Variants in DLG4 observed in about 807,000 individuals in gnomAD.
DLG4 encodes the protein disks large homolog 4.
In DLG4, 7 loss-of-function variants were observed where a neutral mutation model predicts 93.8. The ratio of observed to expected loss-of-function variants is 0.07; its 90% CI spans 0.04 to 0.14. The LOEUF is 0.14. Among genes scored for constraint, DLG4 ranks in the 10% least tolerant of loss-of-function variants. DLG4 has a pLI of 1.00. For synonymous variants in DLG4, 341 were observed against 387.6 expected, an observed-to-expected ratio of 0.88 and a Z score of 1.41; for missense variants, 545 against 992.9, an observed-to-expected ratio of 0.55 and a Z score of 6.06.
chr17:7,217,878 T>C (rs994939942), upstream of DLG4: 65 of 1,483,372 alleles, frequency 4.4e-5, no homozygotes, highest in Non-Finnish European at 5.6e-5. Flanking sequence ...CACCCACGGT[T>C]ATTTGAATAC....
At chr17:7,192,167 G>A (rs575946051) in intron 17 of DLG4, 165 bp from the exon 18 acceptor site, 19 of 465,982 alleles carry the variant, frequency 4.1e-5, no homozygotes, top group South Asian at 8.3e-5. Flanking sequence ...GGCAGGAAGC[G>A]GGTATGGACA....
chr17:7,187,315 G>C lies in DLG4; in HGVS notation c.*3393C>G, dbSNP rs71383475. On this transcript the variant is annotated 3_prime_UTR_variant, in exon 20 of 20. Transcript: ENST00000399506. ...AGCACTTTGGGAGGCCGAGGGGGGG[G>C]GGGGTGGATCACCCGAGGTCAGGAG... Among the ~76,000 whole-genome samples, 41 of 117,412 alleles carry C rather than the reference G, an allele frequency of 3.5e-4. 5 individuals are homozygous for C. The highest frequency in any genetic ancestry group is 1.0e-3 in the African/African-American group (37 of 37,148). 77.0% of individuals were successfully genotyped at this position (117,412 alleles called of 152,430 possible). A position where few individuals can be genotyped will look rare whatever the true frequency, so the allele number is the denominator to read the frequency against.
At position 7,190,464 on chromosome 17, in the gene DLG4, C is replaced by T. The variant is rs564867795; in HGVS notation, c.*244G>A. On this transcript the variant is annotated 3_prime_UTR_variant, in exon 20 of 20. Coordinates refer to ENST00000399506, the MANE Select transcript of DLG4 (RefSeq NM_001321075.3). ...GCGGGGATCCTAAGGAGCAAGGGCT[C>T]GGAACAAGGAGCCCAGCTCCCCCCC... 8.7e-4 allele frequency: 454 copies of T among 523,568 alleles called. 9 individuals are homozygous for T. In the South Asian group the frequency reaches 9.7e-3, roughly 11 times the overall value. The allele number at this position is 523,568 out of a possible 1,614,324, so 32.4% of individuals were successfully genotyped here.
At position 7,194,413 on chromosome 17, in the gene DLG4, C is replaced by T; in HGVS notation, c.1384G>A (p.Val462Ile). The T allele has an allele frequency of 6.2e-7, 1 of 1,612,840 alleles. No individual in the cohort carries two copies. Among genetic ancestry groups the T allele is most frequent in the Non-Finnish European group, 8.5e-7 (1 of 1,179,508 alleles). Residue 462 changes from valine to isoleucine, a missense_variant, in exon 12 of 20, where the codon GTC becomes ATC. Physicochemically the swap from Val to Ile is conservative, Grantham distance 29 (BLOSUM62 3). Around this residue, in one of 5 missense-constraint regions of DLG4, gnomAD observed 428 missense variants for 741.4 expected, o/e 0.58. Coordinates refer to ENST00000399506, the MANE Select transcript of DLG4 (RefSeq NM_001321075.3). The surrounding 1 kb of genome is among the most constrained non-coding windows in gnomAD (Gnocchi z 4.4). ...CACTCCTCATCACTAGCATCGATGA[C>T]ATGCAGCACATCCCCAAAGCGGAAG... Reference protein sequence around the residue: ...LSFRFGDVLHVIDASDEEWWQ... With the variant: ...LSFRFGDVLHIIDASDEEWWQ...
upstream of DLG4, among the ~76,000 whole-genome samples, chr17:7,218,005 A>G (rs910091226): frequency 1.3e-5 from 2 of 151,712 alleles, no homozygotes; most frequent in African/African-American, 4.8e-5. Context: ...CTAAAAAGTT[A>G]AGCCCTAGAC....
In DLG4 at chr17:7,188,149, G is replaced by A. The variant is rs2069344308; in HGVS notation, c.*2559C>T. ...ATCAAAATCACCCGGGAGCTTTCCA[G>A]AAATGCAGACCCCTGGTCCCTATCC... On this transcript the variant is annotated 3_prime_UTR_variant, in exon 20 of 20. Coordinates refer to ENST00000399506, the MANE Select transcript of DLG4 (RefSeq NM_001321075.3). Among the ~76,000 whole-genome samples, 1 of 151,538 alleles carries A rather than the reference G, an allele frequency of 6.6e-6. No individual in the cohort carries two copies. Among genetic ancestry groups the A allele is most frequent in the African/African-American group, 2.4e-5 (1 of 41,188 alleles).
chr17:7,193,811 T>C lies in DLG4; in HGVS notation c.1543+33A>G. On this transcript the variant is annotated intron_variant, in intron 14 of 19. Transcript: ENST00000399506. The surrounding 1 kb of genome is among the most constrained non-coding windows in gnomAD (Gnocchi z 6.7). ...TATCAAAAGCAACTCAGTGCTCCTCTCACCCACATCTTCCCGAACTAACCC... is the reference window on the plus strand; with the variant it reads ...TATCAAAAGCAACTCAGTGCTCCTCCCACCCACATCTTCCCGAACTAACCC... The C allele has an allele frequency of 1.2e-6, 2 of 1,612,624 alleles. No individual in the cohort carries two copies. The highest frequency in any genetic ancestry group is 2.7e-5 in the African/African-American group (2 of 74,936).
rs1462828997 is a variant in DLG4, at chr17:7,188,306, A to G, written c.*2402T>C. Among the ~76,000 whole-genome samples, 1 of 152,176 alleles carries G rather than the reference A, an allele frequency of 6.6e-6. No individual in the cohort carries two copies. The highest frequency in any genetic ancestry group is 6.5e-5 in the Admixed American group (1 of 15,268). On this transcript the variant is annotated 3_prime_UTR_variant, in exon 20 of 20. Transcript: ENST00000399506. ...TACTTTAGGCTTGGACGGCCATGCC[A>G]TCCACAGAATCACTACCCCTGGGTT...
chr17:7,210,813 A>G (rs987063375), intron 1 of DLG4, among the ~76,000 whole-genome samples: 1 of 152,128 alleles, frequency 6.6e-6, no homozygotes, highest in Non-Finnish European at 1.5e-5. Flanking sequence ...TGAGGAGGAA[A>G]TGTCAGCGTG....
upstream of DLG4, chr17:7,217,848 A>G: frequency 1.3e-6 from 2 of 1,530,070 alleles, no homozygotes; most frequent in Non-Finnish European, 1.8e-6. Flanking sequence ...AGAAGGAAGC[A>G]TCTATAGTTG....
chr17:7,197,982 A>G (rs73976744), intron 8 of DLG4, among the ~76,000 whole-genome samples: 7,393 of 152,206 alleles, frequency 0.049, 635 homozygotes, highest in African/African-American at 0.17. Context: ...GCATCACCAC[A>G]GGATGCAATA....
At position 7,191,456 on chromosome 17, in the gene DLG4, GC is replaced by G; in HGVS notation, c.1977-99del. 1 of 951,330 alleles carries G rather than the reference GC, an allele frequency of 1.1e-6. No individual in the cohort carries two copies. Among genetic ancestry groups the G allele is most frequent in the Admixed American group, 2.2e-5 (1 of 45,892 alleles). The allele number at this position is 951,330 out of a possible 1,614,324, so 58.9% of individuals were successfully genotyped here. A position where few individuals can be genotyped will look rare whatever the true frequency, so the allele number is the denominator to read the frequency against. Reference sequence around the variant, plus strand: ...AATGTTAAGTATTCTTCTATTTGGAGCACATAGCAAAAAAAAAAATACAATT... The same window carrying G: ...AATGTTAAGTATTCTTCTATTTGGAGACATAGCAAAAAAAAAAATACAATT... On this transcript the variant is annotated intron_variant, in intron 18 of 19. Transcript: ENST00000399506. This position sits in a 1 kb window ranked among gnomAD's most constrained non-coding sequence, Gnocchi z 6.6.
chr17:7,198,587 C>T (rs951365665), intron 8 of DLG4, among the ~76,000 whole-genome samples: 2 of 150,896 alleles, frequency 1.3e-5, no homozygotes, highest in African/African-American at 4.9e-5. Flanking sequence ...CAGTGGCTCA[C>T]GCCTGTAATC....
At chr17:7,192,879 C>T in intron 17 of DLG4, 66 bp downstream of exon 17, 6 of 1,488,886 alleles carry the variant, frequency 4.0e-6, no homozygotes, top group Non-Finnish European at 5.4e-6. Flanking sequence ...TTAGAGAAAG[C>T]TGGAGGGAGG....
At chr17:7,213,654 T>G in intron 1 of DLG4, 1 of 426,042 alleles carries the variant, frequency 2.3e-6, no homozygotes, top group South Asian at 1.7e-5. Context: ...CCCAAACAAC[T>G]TAACCTGAAA....
At chr17:7,211,695 G>C (rs746394092) in intron 1 of DLG4, 10 of 973,802 alleles carry the variant, frequency 1.0e-5, no homozygotes, top group African/African-American at 1.8e-5. Flanking sequence ...GTTCCGAGCC[G>C]ACATGGAGAA....
intron 8 of DLG4, among the ~76,000 whole-genome samples, chr17:7,199,989 AAAAAAAG>A: frequency 6.6e-6 from 1 of 151,900 alleles, no homozygotes; most frequent in Non-Finnish European, 1.5e-5. Context: ...CAAAAAAAAA[AAAAAAAG>A]AAAAGAAAAA....
At position 7,194,196 on chromosome 17, in the gene DLG4, G is replaced by T; in HGVS notation, c.1478+123C>A. ...CATGGGAGCCACGGACCCCAGGAGGGCCCAACAGACAAACCCCTAGGAGTT... is the reference window on the plus strand; with the variant it reads ...CATGGGAGCCACGGACCCCAGGAGGTCCCAACAGACAAACCCCTAGGAGTT... On this transcript the variant is annotated intron_variant, in intron 12 of 19. Coordinates refer to ENST00000399506, the MANE Select transcript of DLG4 (RefSeq NM_001321075.3). This position sits in a 1 kb window ranked among gnomAD's most constrained non-coding sequence, Gnocchi z 4.4. 1 of 1,385,652 alleles carries T rather than the reference G, an allele frequency of 7.2e-7. No homozygotes were observed. The highest frequency in any genetic ancestry group is 9.7e-7 in the Non-Finnish European group (1 of 1,027,668). The allele number at this position is 1,385,652 out of a possible 1,614,324, so 85.8% of individuals were successfully genotyped here.
Position 7,189,193 on chromosome 17 carries a change from T to C in DLG4, c.*1515A>G, listed in dbSNP as rs926042167. On this transcript the variant is annotated 3_prime_UTR_variant, in exon 20 of 20. Coordinates refer to ENST00000399506, the MANE Select transcript of DLG4 (RefSeq NM_001321075.3). ...ACAGCAGTTCTTATCAGCAGAACTC[T>C]GTAAAGATCATTTCCAGGCCAGGCG... Among the ~76,000 whole-genome samples the C allele has an allele frequency of 4.6e-5, 7 of 151,258 alleles. No individual in the cohort carries two copies. Among genetic ancestry groups the C allele is most frequent in the African/African-American group, 1.7e-4 (7 of 41,126 alleles).
Sources: allele counts gnomAD v4.1 joint callset (sites outside exome capture counted in the v4.1 genomes callset), GRCh38; gene constraint gnomAD v4.1.1; regional missense constraint gnomAD v4.1.1; non-coding constraint Gnocchi (gnomAD v3.1); transcripts MANE v1.5; gene names NCBI Gene and HGNC (gene_info 2026-07-23, HGNC 2026-07-21).